Variants in GPC5 observed in about 807,000 individuals in gnomAD.
The protein encoded by GPC5 is glypican 5.
GPC5 carries 47 observed loss-of-function variants against 53.9 expected under a neutral mutation model. The ratio of observed to expected loss-of-function variants is 0.87; its 90% CI spans 0.69 to 1.11. GPC5 has a LOEUF of 1.11. GPC5 is among the 50% of genes most tolerant of loss of function. The pLI, the probability that GPC5 is intolerant of heterozygous loss-of-function variation, is 0.00. For synonymous variants in GPC5, 286 were observed against 263.3 expected (o/e 1.09, Z -0.84); for missense variants, 748 against 713.1 (o/e 1.05, Z -0.56).
chr13:92,742,630 G>T (rs1410974673), intron 7 of GPC5, among the ~76,000 whole-genome samples: 1 of 151,862 alleles, frequency 6.6e-6, no homozygotes, highest in Non-Finnish European at 1.5e-5. Flanking sequence ...CATTGCTTTT[G>T]GTGTTTTAGA....
chr13:91,977,754 T>G (rs2040317281), intron 6 of GPC5, among the ~76,000 whole-genome samples: 1 of 152,114 alleles, frequency 6.6e-6, no homozygotes, highest in South Asian at 2.1e-4. Flanking sequence ...TCTCATCTTG[T>G]TTTAGCCTCC....
intron 7 of GPC5, among the ~76,000 whole-genome samples, chr13:92,514,334 T>C (rs546174842): frequency 6.6e-6 from 1 of 152,118 alleles, no homozygotes; most frequent in Admixed American, 6.5e-5. Flanking sequence ...AATAGCAAAA[T>C]TACTTGGTGT....
intron 7 of GPC5, among the ~76,000 whole-genome samples, chr13:92,527,197 G>A (rs1233451595): frequency 4.8e-5 from 1 of 20,842 alleles, no homozygotes; most frequent in Non-Finnish European, 7.5e-5. Context: ...AAGAAAGAAA[G>A]AAAGAAAGAA....
intron 7 of GPC5, among the ~76,000 whole-genome samples, chr13:92,380,675 A>G (rs552826002): frequency 1.4e-4 from 21 of 149,644 alleles, no homozygotes; most frequent in African/African-American, 4.9e-4. Context: ...TCAGCAAACT[A>G]TCGCAAGAAC....
At chr13:91,705,553 A>G (rs905830705) in intron 3 of GPC5, among the ~76,000 whole-genome samples, 2 of 152,190 alleles carry the variant, frequency 1.3e-5, no homozygotes, top group Admixed American at 6.5e-5. Context: ...AACTCATTTC[A>G]TCAGATCAGC....
At chr13:92,059,592 CA>C (rs1170622421) in intron 6 of GPC5, among the ~76,000 whole-genome samples, 1 of 151,786 alleles carries the variant, frequency 6.6e-6, no homozygotes, top group East Asian at 1.9e-4. Context: ...CTTTCCATGT[CA>C]ATACCTGATG....
At chr13:92,115,090 G>A (rs984672924) in intron 6 of GPC5, among the ~76,000 whole-genome samples, 1 of 152,156 alleles carries the variant, frequency 6.6e-6, no homozygotes. Flanking sequence ...AATATTTTTA[G>A]AAAGCCCATT....
intron 7 of GPC5, among the ~76,000 whole-genome samples, chr13:92,501,556 T>C (rs1052446425): frequency 1.3e-5 from 2 of 152,080 alleles, no homozygotes. Context: ...AAATTTCCCA[T>C]ATCCAGTGAA....
intron 7 of GPC5, among the ~76,000 whole-genome samples, chr13:92,266,795 A>G (rs1250254408): frequency 1.3e-5 from 2 of 151,496 alleles, no homozygotes; most frequent in African/African-American, 2.4e-5. Flanking sequence ...AGAAATGAAG[A>G]CACAAATTAT....
chr13:91,650,750 G>GTTTTGTTTTTTTTTTTTTTTTTT (rs1555333961), intron 2 of GPC5, among the ~76,000 whole-genome samples: 11 of 99,602 alleles, frequency 1.1e-4, no homozygotes, highest in African/African-American at 4.1e-4. Flanking sequence ...ATTCCCATAA[G>GTTTTGTTTTTTTTTTTTTTTTTT]TTTTTTTTTT....
intron 7 of GPC5, among the ~76,000 whole-genome samples, chr13:92,658,816 C>T (rs1475593147): frequency 4.1e-5 from 4 of 98,238 alleles, no homozygotes; most frequent in African/African-American, 1.6e-4. Context: ...AAGTGCAATA[C>T]AGCTGGAGCA....
intron 7 of GPC5, among the ~76,000 whole-genome samples, chr13:92,552,153 A>T (rs1882339951): frequency 6.6e-6 from 1 of 151,908 alleles, no homozygotes; most frequent in African/African-American, 2.4e-5. Context: ...ACTAATTTAA[A>T]GTAAGTGTGA....
chr13:92,774,116 G>A, intron 7 of GPC5, among the ~76,000 whole-genome samples: 1 of 152,190 alleles, frequency 6.6e-6, no homozygotes, highest in East Asian at 1.9e-4. Context: ...TTTGGGTGCG[G>A]ACAAAGAGCC....
chr13:92,140,265 A>T (rs1399732657), intron 6 of GPC5, among the ~76,000 whole-genome samples: 1 of 152,230 alleles, frequency 6.6e-6, no homozygotes, highest in African/African-American at 2.4e-5. Flanking sequence ...ATGGTTCTGC[A>T]GTAGAAGCTG....
chr13:92,453,468 T>C (rs951121505), intron 7 of GPC5, among the ~76,000 whole-genome samples: 3 of 152,062 alleles, frequency 2.0e-5, no homozygotes, highest in African/African-American at 7.2e-5. Context: ...GTACACTGAA[T>C]GACATGAGCC....
intron 5 of GPC5, among the ~76,000 whole-genome samples, chr13:91,811,671 A>G (rs188502370): frequency 1.2e-3 from 183 of 152,266 alleles, no homozygotes; most frequent in African/African-American, 4.3e-3. Flanking sequence ...TCTTGTGGAA[A>G]TTACATTAAT....
chr13:91,817,519 A>G (rs1039607837), intron 5 of GPC5, among the ~76,000 whole-genome samples: 2 of 152,204 alleles, frequency 1.3e-5, no homozygotes, highest in South Asian at 2.1e-4. Flanking sequence ...TAAAGTGTAT[A>G]CTTAAGAATC....
intron 6 of GPC5, among the ~76,000 whole-genome samples, chr13:91,930,560 T>G (rs1336506331): frequency 6.6e-6 from 1 of 152,016 alleles, no homozygotes; most frequent in Non-Finnish European, 1.5e-5. Flanking sequence ...CCATATGAAA[T>G]TGTCAGTATT....
At chr13:91,604,446 A>T (rs1594319072) in intron 2 of GPC5, among the ~76,000 whole-genome samples, 1 of 151,752 alleles carries the variant, frequency 6.6e-6, no homozygotes, top group Non-Finnish European at 1.5e-5. Flanking sequence ...AGCATGATTT[A>T]TAGTCCTTTG....
Sources: gnomAD v4.1 joint callset for allele counts (sites outside exome capture counted in the v4.1 genomes callset) on GRCh38, gnomAD v4.1.1 for gene constraint, MANE v1.5 for transcripts, NCBI Gene and HGNC (gene_info 2026-07-23, HGNC 2026-07-21) for gene names.